The following IP6K2 variants were observed in gnomAD, a reference collection of about 807,000 sequenced individuals.
IP6K2 encodes ATP:1D-myo-inositol-hexakisphosphate phosphotransferase.
In IP6K2, 9 loss-of-function variants were observed where a neutral mutation model predicts 43.3. That is an observed-to-expected ratio of 0.21 (90% CI 0.13 to 0.36). The LOEUF (loss-of-function observed/expected upper bound fraction) is 0.36. Ranked by LOEUF, IP6K2 falls within the 10% of genes least tolerant of loss-of-function variation. The pLI is 1.00. For missense variants in IP6K2, 332 were observed against 538.4 expected, an observed-to-expected ratio of 0.62 and a Z score of 3.79; for synonymous variants, 209 against 202.4, an observed-to-expected ratio of 1.03 and a Z score of -0.28.
At chr3:48,704,049 G>A (rs890320584) in intron 1 of IP6K2, among the ~76,000 whole-genome samples, 44 of 151,444 alleles carry the variant, frequency 2.9e-4, no homozygotes, top group African/African-American at 9.0e-4. Flanking sequence ...CGGAGATTGC[G>A]CCACTGCACT....
At chr3:48,697,085 A>G (rs1406163695) in intron 1 of IP6K2, among the ~76,000 whole-genome samples, 1 of 148,754 alleles carries the variant, frequency 6.7e-6, no homozygotes, top group Non-Finnish European at 1.5e-5. Flanking sequence ...CAGTGGCGAG[A>G]TCTCGGCTCA....
intron 1 of IP6K2, among the ~76,000 whole-genome samples, chr3:48,697,113 C>T (rs1485359976): frequency 6.6e-6 from 1 of 151,772 alleles, no homozygotes; most frequent in Non-Finnish European, 1.5e-5. Flanking sequence ...CTCCGCCTCC[C>T]AGGTTCACGT....
At chr3:48,697,284 T>G (rs2078475484) in intron 1 of IP6K2, among the ~76,000 whole-genome samples, 1 of 151,728 alleles carries the variant, frequency 6.6e-6, no homozygotes, top group South Asian at 2.1e-4. Flanking sequence ...CATCCCAAAG[T>G]GCTGGATTAC....
intron 1 of IP6K2, among the ~76,000 whole-genome samples, chr3:48,712,829 C>T (rs2080715904): frequency 6.6e-6 from 1 of 151,984 alleles, no homozygotes; most frequent in Non-Finnish European, 1.5e-5. Context: ...CCAGCCTGGA[C>T]AACATGGTGA....
chr3:48,696,182 C>T (rs1037717506), intron 1 of IP6K2, among the ~76,000 whole-genome samples: 4 of 151,768 alleles, frequency 2.6e-5, no homozygotes, highest in Admixed American at 2.0e-4. Context: ...CGCACCCAGC[C>T]CCATTAATTA....
At chr3:48,702,230 CA>C (rs1056450128) in intron 1 of IP6K2, among the ~76,000 whole-genome samples, 3 of 149,310 alleles carry the variant, frequency 2.0e-5, no homozygotes, top group Admixed American at 6.7e-5. Flanking sequence ...GACTCCATGT[CA>C]AAAAAAAATA....
intron 1 of IP6K2, among the ~76,000 whole-genome samples, chr3:48,704,785 CT>C (rs1241001730): frequency 1.0e-4 from 15 of 145,484 alleles, no homozygotes; most frequent in African/African-American, 1.3e-4. Flanking sequence ...TTATGATACA[CT>C]TTTTTTTTTT....
intron 1 of IP6K2, among the ~76,000 whole-genome samples, chr3:48,705,712 CT>C (rs2079649949): frequency 6.6e-6 from 1 of 151,174 alleles, no homozygotes; most frequent in African/African-American, 2.4e-5. Flanking sequence ...CAAGGATATA[CT>C]ACAGCTTGGC....
intron 1 of IP6K2, among the ~76,000 whole-genome samples, chr3:48,710,212 C>T (rs915891639): frequency 6.6e-6 from 1 of 152,114 alleles, no homozygotes; most frequent in Non-Finnish European, 1.5e-5. Flanking sequence ...CACAGTGAGA[C>T]CCTGTCTTCA....
intron 1 of IP6K2, among the ~76,000 whole-genome samples, chr3:48,709,809 C>A (rs2080271610): frequency 6.6e-6 from 1 of 151,074 alleles, no homozygotes; most frequent in Non-Finnish European, 1.5e-5. Context: ...TGCACTCCAG[C>A]CTGGGCAAGA....
At chr3:48,716,895 T>G (rs1221828357) in intron 1 of IP6K2, among the ~76,000 whole-genome samples, 1 of 149,788 alleles carries the variant, frequency 6.7e-6, no homozygotes, top group African/African-American at 2.5e-5. Flanking sequence ...GGAGACCCCC[T>G]CCAATGACCG....
intron 1 of IP6K2, among the ~76,000 whole-genome samples, chr3:48,696,010 C>T (rs963288131): frequency 2.6e-5 from 4 of 151,448 alleles, no homozygotes; most frequent in Non-Finnish European, 5.9e-5. Flanking sequence ...CTCAGCCTCC[C>T]GAGTAGCTGG....
chr3:48,692,097 T>G (rs2106795399), intron 3 of IP6K2, among the ~76,000 whole-genome samples: 1 of 152,264 alleles, frequency 6.6e-6, no homozygotes, highest in South Asian at 2.1e-4. Flanking sequence ...CGTCCTGAAG[T>G]GCTGGGATTA....
intron 1 of IP6K2, chr3:48,715,510 T>C: frequency 6.6e-7 from 1 of 1,506,142 alleles, no homozygotes; most frequent in Non-Finnish European, 8.9e-7. Flanking sequence ...ACAGTGTACC[T>C]GTCTGTCACC....
chr3:48,707,173 C>T (rs1228963423), intron 1 of IP6K2, among the ~76,000 whole-genome samples: 3 of 152,190 alleles, frequency 2.0e-5, no homozygotes, highest in South Asian at 4.1e-4. Context: ...TCCTCCAACT[C>T]TGAGCACACA....
At position 48,717,208 on chromosome 3, in the gene IP6K2, A is replaced by C; in HGVS notation, c.-182T>G. 6.5e-6 allele frequency: 1 copy of C among 154,812 alleles called. No individual in the cohort carries two copies. The highest frequency in any genetic ancestry group is 1.9e-4 in the East Asian group (1 of 5,186). The allele number at this position is 154,812 out of a possible 1,614,324, so 9.6% of individuals were successfully genotyped here. On this transcript the variant is annotated 5_prime_UTR_variant, in exon 1 of 6. Coordinates refer to ENST00000328631, the MANE Select transcript of IP6K2 (RefSeq NM_016291.4). ...GTTTCCGTCCTATTGTTTCTCTCGC[A>C]CCAAAATGGCTGCGGCCAGGCCGAG...
At chr3:48,715,743 G>T (rs1047264700) in intron 1 of IP6K2, among the ~76,000 whole-genome samples, 1 of 147,754 alleles carries the variant, frequency 6.8e-6, no homozygotes, top group Non-Finnish European at 1.5e-5. Flanking sequence ...TAGAGACAGG[G>T]TGTTGCTATG....
intron 1 of IP6K2, among the ~76,000 whole-genome samples, chr3:48,712,355 G>C (rs969564123): frequency 3.3e-5 from 5 of 149,706 alleles, no homozygotes; most frequent in South Asian, 4.2e-4. Flanking sequence ...CCATTCTCCT[G>C]CCTCAGCCTC....
intron 1 of IP6K2, among the ~76,000 whole-genome samples, chr3:48,706,152 AGCCGAGACTAC>A (rs912157560): frequency 6.6e-6 from 1 of 152,122 alleles, no homozygotes; most frequent in African/African-American, 2.4e-5. Context: ...GGTTGCAGTG[AGCCGAGACTAC>A]GCCATTGCAC....
Sources: gnomAD v4.1 joint callset for allele counts (sites outside exome capture counted in the v4.1 genomes callset) on GRCh38, gnomAD v4.1.1 for gene constraint, MANE v1.5 for transcripts, NCBI Gene and HGNC (gene_info 2026-07-23, HGNC 2026-07-21) for gene names.